P4HB: variants seen among roughly 807,000 people sequenced by gnomAD.
P4HB encodes the protein protein disulfide-isomerase.
Under a neutral mutation model 52.6 loss-of-function variants are expected in P4HB, and 20 were observed. That is an observed-to-expected ratio of 0.38 (90% CI 0.27 to 0.55). The LOEUF (loss-of-function observed/expected upper bound fraction) is 0.55. Ranked by LOEUF, P4HB falls within the 20% of genes least tolerant of loss-of-function variation. The pLI, the probability that P4HB is intolerant of heterozygous loss-of-function variation, is 0.74. For synonymous variants in P4HB, 296 were observed against 277.9 expected (o/e 1.07, Z -0.65); for missense variants, 601 against 669.2 (o/e 0.90, Z 1.12).
chr17:81,847,191 C>G, intron 5 of P4HB, 52 bp downstream of exon 5: 2 of 1,602,936 alleles, frequency 1.2e-6, no homozygotes, highest in Non-Finnish European at 1.7e-6. Context: ...CTCATGCCAC[C>G]CCCAACCCAC....
In P4HB at chr17:81,855,625, G is replaced by C. The variant is rs1160710781; in HGVS notation, c.353-39C>G. 1.3e-6 allele frequency: 2 copies of C among 1,593,286 alleles called. No individual in the cohort carries two copies. The highest frequency in any genetic ancestry group is 1.1e-5 in the South Asian group (1 of 89,068). The stretch of plus-strand genomic sequence containing the variant: ...AATGTAGGTTCTACTCTCAAACAGG[G>C]AGTGCCGCCTGCCCTGCCGCGCCTG... On this transcript the variant is annotated intron_variant, in intron 2 of 10. Transcript: ENST00000331483. The surrounding 1 kb of genome is among the most constrained non-coding windows in gnomAD (Gnocchi z 4.3).
At chr17:81,856,826 T>C (rs2038918665) in intron 2 of P4HB, among the ~76,000 whole-genome samples, 1 of 151,994 alleles carries the variant, frequency 6.6e-6, no homozygotes, top group African/African-American at 2.4e-5. Flanking sequence ...ATTTTTGTAT[T>C]TTTAGTAGAG....
chr17:81,860,343 G>A lies in P4HB; in HGVS notation c.129C>T (p.Tyr43=), dbSNP rs1331357131. Residue 43 remains tyrosine, a synonymous_variant, in exon 1 of 11, where the codon TAC becomes TAT. Coordinates refer to ENST00000331483, the MANE Select transcript of P4HB (RefSeq NM_000918.4). ...GGCGCTCACAGAACTCCACCAGCAG[G>A]TACTTGTGGGCCGCCAGCGCCTCCG... ...NFAEALAAHK[Y]LLVEFYAPWC... 4 of 1,472,346 alleles carry A rather than the reference G, an allele frequency of 2.7e-6. No homozygotes were observed. The highest frequency in any genetic ancestry group is 3.6e-6 in the Non-Finnish European group (4 of 1,110,844). The allele number at this position is 1,472,346 out of a possible 1,614,324, so 91.2% of individuals were successfully genotyped here. A position where few individuals can be genotyped will look rare whatever the true frequency, so the allele number is the denominator to read the frequency against.
At position 81,855,033 on chromosome 17, in the gene P4HB, G is replaced by T. The variant is rs909543212; in HGVS notation, c.624+109C>A. 4 of 1,076,438 alleles carry T rather than the reference G, an allele frequency of 3.7e-6. No homozygotes were observed. Among genetic ancestry groups the T allele is most frequent in the African/African-American group, 3.1e-5 (2 of 64,346 alleles). 66.7% of individuals were successfully genotyped at this position (1,076,438 alleles called of 1,614,324 possible). ...GGCAAAGCTGCAGAACATACCTATTGGGCCAAAGGTGCCAGGAGCAAGGTT... is the reference window on the plus strand; with the variant it reads ...GGCAAAGCTGCAGAACATACCTATTTGGCCAAAGGTGCCAGGAGCAAGGTT... On this transcript the variant is annotated intron_variant, in intron 4 of 10. Coordinates refer to ENST00000331483, the MANE Select transcript of P4HB (RefSeq NM_000918.4). The surrounding 1 kb of genome is among the most constrained non-coding windows in gnomAD (Gnocchi z 4.3).
intron 4 of P4HB, 136 bp from the exon 5 acceptor site, chr17:81,847,483 C>A: frequency 1.4e-6 from 1 of 722,544 alleles, no homozygotes. Flanking sequence ...ACAGGTCCAG[C>A]AATGGGTACA....
At position 81,855,649 on chromosome 17, in the gene P4HB, T is replaced by C; in HGVS notation, c.353-63A>G. On this transcript the variant is annotated intron_variant, in intron 2 of 10. Coordinates refer to ENST00000331483, the MANE Select transcript of P4HB (RefSeq NM_000918.4). This position sits in a 1 kb window ranked among gnomAD's most constrained non-coding sequence, Gnocchi z 4.3. Reference sequence around the variant, plus strand: ...GGAGTGCCGCCTGCCCTGCCGCGCCTGCTCCCGTCTCTGCTCTCTGCCAGC... The same window carrying C: ...GGAGTGCCGCCTGCCCTGCCGCGCCCGCTCCCGTCTCTGCTCTCTGCCAGC... 6.4e-7 allele frequency: 1 copy of C among 1,559,776 alleles called. No homozygotes were observed. The highest frequency in any genetic ancestry group is 8.7e-7 in the Non-Finnish European group (1 of 1,147,938).
chr17:81,846,184 C>CG lies in P4HB; in HGVS notation c.1057-194_1057-193insC, dbSNP rs2067043335. On this transcript the variant is annotated intron_variant, in intron 7 of 10. Transcript: ENST00000331483. The surrounding 1 kb of genome is among the most constrained non-coding windows in gnomAD (Gnocchi z 5.7). Reference sequence around the variant, plus strand: ...GTGGGCTGGGCCCAATGAGCCCACGCAGGCCGCACCCTCGCCGGCCAGGAG... The same window carrying CG: ...GTGGGCTGGGCCCAATGAGCCCACGCGAGGCCGCACCCTCGCCGGCCAGGAG... 6.6e-6 allele frequency among the ~76,000 whole-genome samples: 1 copy of CG among 152,252 alleles called. No individual in the cohort carries two copies. The highest frequency in any genetic ancestry group is 2.1e-4 in the South Asian group (1 of 4,836).
intron 2 of P4HB, among the ~76,000 whole-genome samples, chr17:81,858,590 C>G (rs112979442): frequency 6.6e-6 from 1 of 152,140 alleles, no homozygotes; most frequent in African/African-American, 2.4e-5. Context: ...GCCTCCACTA[C>G]GGCAGCTTCA....
At chr17:81,847,438 G>A (rs1305586358) in intron 4 of P4HB, 91 bp from the exon 5 acceptor site, 2 of 1,074,408 alleles carry the variant, frequency 1.9e-6, no homozygotes, top group Middle Eastern at 2.1e-4. Context: ...AGTCACAGCA[G>A]CCAGCAGCCC....
chr17:81,845,709 G>C lies in P4HB; in HGVS notation c.1211C>G (p.Ala404Gly), dbSNP rs1176986146. ...APWCGHCKQL[A>G]PIWDKLGETY... ...CTCTCCCAGTTTATCCCAAATGGGA[G>C]CCAACTGTTTGCAGTGACCACACCA... Residue 404 changes from alanine (A) to glycine (G), a missense_variant, in exon 9 of 11, where the codon GCT (alanine) becomes GGT (glycine). Transcript: ENST00000331483. 2 of 1,613,656 alleles carry C rather than the reference G, an allele frequency of 1.2e-6. No homozygotes were observed. Among genetic ancestry groups the C allele is most frequent in the African/African-American group, 2.7e-5 (2 of 74,936 alleles).
rs764552571 is a variant in P4HB, at chr17:81,845,128, C to A, written c.1446+16G>T. 6.3e-7 allele frequency: 1 copy of A among 1,595,888 alleles called. No homozygotes were observed. The highest frequency in any genetic ancestry group is 1.7e-5 in the Admixed American group (1 of 59,850). The stretch of plus-strand genomic sequence containing the variant: ...CTGAATCCCAGAGACCAGCCCAGGG[C>A]TGTGACCCCACTCACGTCATCATCC... On this transcript the variant is annotated intron_variant, in intron 10 of 10. Transcript: ENST00000331483.
intron 1 of P4HB, chr17:81,860,030 G>C: frequency 1.1e-5 from 3 of 275,802 alleles, no homozygotes; most frequent in Non-Finnish European, 1.4e-5. Flanking sequence ...GGGAGGACTC[G>C]GCAAGGCTGG....
At chr17:81,845,770 T>A (rs766274545) in intron 8 of P4HB, 28 bp from the exon 9 acceptor site, 1 of 1,612,678 alleles carries the variant, frequency 6.2e-7, no homozygotes, top group Admixed American at 1.7e-5. Context: ...CTAGGGTGTG[T>A]CCTGGACACA....
In P4HB at chr17:81,846,428, C is replaced by A. The variant is rs113534557; in HGVS notation, c.1056+1G>T. 1 of 1,613,258 alleles carries A rather than the reference C, an allele frequency of 6.2e-7. No individual in the cohort carries two copies. The highest frequency in any genetic ancestry group is 1.7e-5 in the Admixed American group (1 of 60,028). ...GCCCTGGCCCGGGGACGCGCCTGCA[C>A]CTTGATTTTGCCCTCCAGGAAGCGG... On this transcript the variant is annotated splice_donor_variant, in intron 7 of 10. Transcript: ENST00000331483. LOFTEE classifies it high-confidence loss of function. The surrounding 1 kb of genome is among the most constrained non-coding windows in gnomAD (Gnocchi z 5.7).
rs148345851 is a variant in P4HB at position 81,855,352 on chromosome 17, C to G, written c.487-73G>C. The G allele has an allele frequency of 6.2e-7, 1 of 1,604,794 alleles. No homozygotes were observed. On this transcript the variant is annotated intron_variant, in intron 3 of 10. Coordinates refer to ENST00000331483, the MANE Select transcript of P4HB (RefSeq NM_000918.4). The surrounding 1 kb of genome is among the most constrained non-coding windows in gnomAD (Gnocchi z 4.3). ...AGCAGTAGGGCAGACCCTGTAGAGC[C>G]CAGGCCAGGGGGGACACGTGCAGAA...
chr17:81,848,736 CAAAAAAAAAAA>C (rs770133887), intron 4 of P4HB, among the ~76,000 whole-genome samples: 4 of 24,450 alleles, frequency 1.6e-4, no homozygotes, highest in Admixed American at 5.0e-4. Flanking sequence ...AACTCTGTCT[CAAAAAAAAAAA>C]AAAAAAAAAA....
chr17:81,860,173 C>T (rs1333458298), intron 1 of P4HB, 154 bp downstream of exon 1: 4 of 589,792 alleles, frequency 6.8e-6, no homozygotes, highest in Non-Finnish European at 1.0e-5. Context: ...CCCAGGGAGC[C>T]CCTGACATGG....
At position 81,846,034 on chromosome 17, in the gene P4HB, G is replaced by A; in HGVS notation, c.1057-43C>T. ...CACGGTGAGGGGCGGCGATGCCTGGGGGACCACAGAGCTCCCCAACCCTCA... is the reference window on the plus strand; with the variant it reads ...CACGGTGAGGGGCGGCGATGCCTGGAGGACCACAGAGCTCCCCAACCCTCA... On this transcript the variant is annotated intron_variant, in intron 7 of 10. Coordinates refer to ENST00000331483, the MANE Select transcript of P4HB (RefSeq NM_000918.4). The surrounding 1 kb of genome is among the most constrained non-coding windows in gnomAD (Gnocchi z 5.7). The A allele has an allele frequency of 1.3e-6, 2 of 1,559,530 alleles. No homozygotes were observed. The highest frequency in any genetic ancestry group is 1.7e-6 in the Non-Finnish European group (2 of 1,152,300).
Position 81,843,737 on chromosome 17 carries a change from G to A in P4HB, c.*275C>T. 3.4e-6 allele frequency: 2 copies of A among 580,390 alleles called. No individual in the cohort carries two copies. The highest frequency in any genetic ancestry group is 4.4e-5 in the South Asian group (2 of 45,646). 36.0% of individuals were successfully genotyped at this position (580,390 alleles called of 1,614,324 possible). On this transcript the variant is annotated 3_prime_UTR_variant, in exon 11 of 11. Coordinates refer to ENST00000331483, the MANE Select transcript of P4HB (RefSeq NM_000918.4). The stretch of plus-strand genomic sequence containing the variant: ...AACACGGTAGCAAGCACTCTGGACA[G>A]ACTCATGTATGAAAAAGTACATCAT...
Sources: gnomAD v4.1 joint callset for allele counts (sites outside exome capture counted in the v4.1 genomes callset) on GRCh38, gnomAD v4.1.1 for gene constraint, Gnocchi (gnomAD v3.1) non-coding constraint, MANE v1.5 for transcripts, NCBI Gene and HGNC (gene_info 2026-07-23, HGNC 2026-07-21) for gene names.